The following PRIMA1 variants were observed in gnomAD, a reference collection of about 807,000 sequenced individuals.
PRIMA1 encodes the protein proline rich membrane anchor 1, also known as proline-rich membrane anchor 1.
Under a neutral mutation model 17.5 loss-of-function variants are expected in PRIMA1, and 7 were observed. The observed-to-expected ratio is 0.40, with a 90% CI of 0.23 to 0.75. PRIMA1 has a LOEUF of 0.75. PRIMA1 is among the 30% of genes least tolerant of loss of function. PRIMA1 has a pLI of 0.37. For missense variants in PRIMA1, 200 were observed against 201.8 expected, an observed-to-expected ratio of 0.99 and a Z score of 0.05; for synonymous variants, 97 against 77.9, an observed-to-expected ratio of 1.25 and a Z score of -1.29.
chr14:93,759,988 G>A (rs1390712260), intron 3 of PRIMA1, among the ~76,000 whole-genome samples: 2 of 152,250 alleles, frequency 1.3e-5, no homozygotes, highest in Non-Finnish European at 2.9e-5. Context: ...GCCACAGCCA[G>A]GTCACAGCCG....
Position 93,779,233 on chromosome 14 carries a change from G to GGGGGGC in PRIMA1, c.171_172insGCCCCC (p.Pro57_Pro58insAlaPro), listed in dbSNP as rs2141193795. Reference sequence around the variant, plus strand: ...GGTGGGGGCGGCGGGGGCAGCGGGGGAGGGGGCCGGCACTGGCAGACGTGT... The same window carrying GGGGGGC: ...GGTGGGGGCGGCGGGGGCAGCGGGGGGGGGGCAGGGGGCCGGCACTGGCAGACGTGT... On this transcript the variant is annotated inframe_insertion, in exon 3 of 5. Transcript: ENST00000393140. The GGGGGGC allele has an allele frequency of 9.1e-7, 1 of 1,094,118 alleles. No homozygotes were observed. The highest frequency in any genetic ancestry group is 1.3e-6 in the Non-Finnish European group (1 of 775,664). The allele number at this position is 1,094,118 out of a possible 1,614,324, so 67.8% of individuals were successfully genotyped here. A position where few individuals can be genotyped will look rare whatever the true frequency, so the allele number is the denominator to read the frequency against.
At chr14:93,732,794 C>T (rs904286386) in intron 4 of PRIMA1, among the ~76,000 whole-genome samples, 1 of 151,790 alleles carries the variant, frequency 6.6e-6, no homozygotes, top group South Asian at 2.1e-4. Context: ...GGAAGCGATA[C>T]CTGCTGAGCC....
At chr14:93,727,135 A>C (rs1009877992) in intron 4 of PRIMA1, among the ~76,000 whole-genome samples, 2 of 152,124 alleles carry the variant, frequency 1.3e-5, no homozygotes, top group African/African-American at 4.8e-5. Flanking sequence ...AAGCGTCCTC[A>C]CAGCCAGTGG....
chr14:93,783,897 C>T (rs998633824), intron 2 of PRIMA1, among the ~76,000 whole-genome samples: 28 of 152,188 alleles, frequency 1.8e-4, no homozygotes, highest in African/African-American at 6.5e-4. Flanking sequence ...GTCCTACCAC[C>T]ATCCTACTCC....
rs1201717144 is a variant in PRIMA1, at chr14:93,786,641, GAT to G, written c.93+983_93+984del. 2.6e-5 allele frequency among the ~76,000 whole-genome samples: 4 copies of G among 152,064 alleles called. 1 individual carries two copies. The highest frequency in any genetic ancestry group is 9.7e-5 in the African/African-American group (4 of 41,418). ...ATGAGGCTACAAATACCCCAGAGTG[GAT>G]CCTCAATGCCCAAAACAATGAAAAT... On this transcript the variant is annotated intron_variant, in intron 2 of 4. Transcript: ENST00000393140.
intron 4 of PRIMA1, among the ~76,000 whole-genome samples, chr14:93,735,629 T>C (rs2076144822): frequency 6.6e-6 from 1 of 151,578 alleles, no homozygotes; most frequent in African/African-American, 2.4e-5. Flanking sequence ...ACAAAACACG[T>C]GGGAATTGGA....
At chr14:93,748,117 AATGAGTGTGC>A (rs556465348) in intron 3 of PRIMA1, among the ~76,000 whole-genome samples, 88 of 151,892 alleles carry the variant, frequency 5.8e-4, no homozygotes, top group African/African-American at 2.0e-3. Context: ...TATGTGTGTG[AATGAGTGTGC>A]ATGAGTGTGA....
At chr14:93,764,890 A>T (rs1884843163) in intron 3 of PRIMA1, among the ~76,000 whole-genome samples, 1 of 152,142 alleles carries the variant, frequency 6.6e-6, no homozygotes, top group Admixed American at 6.5e-5. Context: ...CGTTTCCTGG[A>T]CCAGCTCTTA....
chr14:93,781,138 GCT>G (rs1390605962), intron 2 of PRIMA1, among the ~76,000 whole-genome samples: 1 of 152,230 alleles, frequency 6.6e-6, no homozygotes, highest in African/African-American at 2.4e-5. Flanking sequence ...AGAGGCTCCT[GCT>G]CATCACCTTT....
At chr14:93,745,114 G>C (rs1478896699) in intron 3 of PRIMA1, among the ~76,000 whole-genome samples, 1 of 152,164 alleles carries the variant, frequency 6.6e-6, no homozygotes, top group Non-Finnish European at 1.5e-5. Flanking sequence ...ACTGCCTCCT[G>C]CATGCCAACC....
At chr14:93,735,492 G>A (rs2076143837) in intron 4 of PRIMA1, among the ~76,000 whole-genome samples, 2 of 152,036 alleles carry the variant, frequency 1.3e-5, no homozygotes, top group Admixed American at 6.6e-5. Context: ...AGAATGCACC[G>A]TGACTCCTCC....
rs2076073767 is a variant in PRIMA1 at position 93,726,103 on chromosome 14, C to A, written c.360-4557G>T. 2.2e-6 allele frequency: 1 copy of A among 455,138 alleles called. No homozygotes were observed. Among genetic ancestry groups the A allele is most frequent in the Non-Finnish European group, 4.4e-6 (1 of 226,404 alleles). 28.2% of individuals were successfully genotyped at this position (455,138 alleles called of 1,614,324 possible). ...GCTCTGCCACCTTCAGACTTCTTGTCCCCTGCCCTGGGCTTGGAGGGCAGC... is the reference window on the plus strand; with the variant it reads ...GCTCTGCCACCTTCAGACTTCTTGTACCCTGCCCTGGGCTTGGAGGGCAGC... On this transcript the variant is annotated intron_variant, in intron 4 of 4. Transcript: ENST00000393140. The surrounding 1 kb of genome is among the most constrained non-coding windows in gnomAD (Gnocchi z 4.2).
chr14:93,779,123 G>A, intron 3 of PRIMA1, 53 bp downstream of exon 3: 2 of 1,339,014 alleles, frequency 1.5e-6, no homozygotes, highest in Non-Finnish European at 2.0e-6. Context: ...GGATCTTCGT[G>A]GGCCTAGGAA....
intron 2 of PRIMA1, among the ~76,000 whole-genome samples, chr14:93,782,599 A>C (rs1313193658): frequency 6.6e-6 from 1 of 152,184 alleles, no homozygotes; most frequent in Non-Finnish European, 1.5e-5. Context: ...CAGCCTGGGC[A>C]ACAGAGCGAG....
At chr14:93,748,247 A>C (rs2076238495) in intron 3 of PRIMA1, among the ~76,000 whole-genome samples, 1 of 152,040 alleles carries the variant, frequency 6.6e-6, no homozygotes, top group African/African-American at 2.4e-5. Flanking sequence ...GAGAGGGGTG[A>C]GGGGCCCACA....
At chr14:93,777,482 G>T (rs549737844) in intron 3 of PRIMA1, among the ~76,000 whole-genome samples, 1 of 152,024 alleles carries the variant, frequency 6.6e-6, no homozygotes, top group Admixed American at 6.6e-5. Flanking sequence ...GATTACAGGC[G>T]CCTGCCACCA....
intron 3 of PRIMA1, among the ~76,000 whole-genome samples, chr14:93,750,922 C>A (rs2076255478): frequency 6.6e-6 from 1 of 152,170 alleles, no homozygotes; most frequent in Non-Finnish European, 1.5e-5. Flanking sequence ...GGTCAGAAAG[C>A]AAAGCACAGC....
intron 4 of PRIMA1, among the ~76,000 whole-genome samples, chr14:93,722,816 G>A (rs2141148651): frequency 8.4e-4 from 1 of 1,192 alleles, no homozygotes; most frequent in South Asian, 0.014. Context: ...CGATGATAGT[G>A]ATGGTAATGG....
intron 4 of PRIMA1, among the ~76,000 whole-genome samples, chr14:93,725,550 G>A (rs909330739): frequency 5.9e-5 from 9 of 152,200 alleles, no homozygotes; most frequent in East Asian, 5.8e-4. Context: ...GTAAACCCCC[G>A]CCCCACCATT....
Sources: allele counts gnomAD v4.1 joint callset (sites outside exome capture counted in the v4.1 genomes callset), GRCh38; gene constraint gnomAD v4.1.1; non-coding constraint Gnocchi (gnomAD v3.1); transcripts MANE v1.5; gene names NCBI Gene and HGNC (gene_info 2026-07-23, HGNC 2026-07-21).